Variants in MFSD12 observed in about 807,000 individuals in gnomAD.
MFSD12 encodes the protein major facilitator superfamily domain containing 12, also known as major facilitator superfamily domain-containing protein 12.
A neutral mutation model predicts 51.2 loss-of-function variants in MFSD12; 67 were observed. That is an observed-to-expected ratio of 1.31 (90% CI 1.08 to 1.60). The LOEUF (loss-of-function observed/expected upper bound fraction) is 1.60. Ranked by LOEUF, MFSD12 falls within the 40% of genes most tolerant of loss-of-function variation. The pLI is 0.00. For synonymous variants in MFSD12, 441 were observed against 316.7 expected (o/e 1.39, Z -4.17); for missense variants, 921 against 673.0 (o/e 1.37, Z -4.08).
chr19:3,541,198 T>C (rs1309559819), downstream of MFSD12, among the ~76,000 whole-genome samples: 2 of 143,930 alleles, frequency 1.4e-5, no homozygotes, highest in Non-Finnish European at 3.0e-5. Flanking sequence ...CAACCAGGCA[T>C]GGCGGCACGT....
At chr19:3,556,116 G>A (rs1012732911) in intron 1 of MFSD12, among the ~76,000 whole-genome samples, 2 of 152,174 alleles carry the variant, frequency 1.3e-5, no homozygotes, top group Non-Finnish European at 2.9e-5. Context: ...CCACCCAGGC[G>A]GCTCCCAACT....
At chr19:3,542,740 C>T (rs1308806411), downstream of MFSD12, 5 of 1,333,100 alleles carry the variant, frequency 3.8e-6, no homozygotes, top group African/African-American at 7.5e-5. Flanking sequence ...GCCTCAGCCT[C>T]CCAAAGTGCT....
At position 3,551,139 on chromosome 19, in the gene MFSD12, AC is replaced by A; in HGVS notation, c.353del (p.Cys118LeufsTer19). On this transcript the variant is annotated frameshift_variant, in exon 2 of 10. Transcript: ENST00000355415. LOFTEE classifies it high-confidence loss of function. The surrounding 1 kb of genome is among the most constrained non-coding windows in gnomAD (Gnocchi z 4.6). ...CAGCCCACTCGGGCGTGGCCGCCCCACAGCCCAGGCAGGGGCTGAAGATGAA... is the reference window on the plus strand; with the variant it reads ...CAGCCCACTCGGGCGTGGCCGCCCCAAGCCCAGGCAGGGGCTGAAGATGAA... Reference protein sequence around the residue: ...FPFIFSPCLGCGAATPEWAAL... With the variant: ...FPFIFSPCLGXGAATPEWAAL... 1 of 1,612,844 alleles carries A rather than the reference AC, an allele frequency of 6.2e-7. No homozygotes were observed. Among genetic ancestry groups the A allele is most frequent in the Non-Finnish European group, 8.5e-7 (1 of 1,179,914 alleles).
In MFSD12 at chr19:3,546,101, A is replaced by C; in HGVS notation, c.1262T>G (p.Met421Arg). The change falls in exon 8 of 10, where the codon ATG becomes AGG. Residue 421 changes from methionine to arginine, a missense_variant. Met to Arg is a moderately conservative substitution (Grantham distance 91). Coordinates refer to ENST00000355415, the MANE Select transcript of MFSD12 (RefSeq NM_174983.5). Reference sequence around the variant, plus strand: ...GCAAGGGTGCAGGCTCTGGATGGCCATGACTGCCAGCCCATTGGCCACCTT... The same window carrying C: ...GCAAGGGTGCAGGCTCTGGATGGCCCTGACTGCCAGCCCATTGGCCACCTT... The part of the protein sequence containing the change: ...LDKVANGLAV[M>R]AIQSLHPCPS... The C allele has an allele frequency of 1.2e-6, 2 of 1,613,424 alleles. No homozygotes were observed. Among genetic ancestry groups the C allele is most frequent in the Non-Finnish European group, 1.7e-6 (2 of 1,179,988 alleles).
intron 8 of MFSD12, 137 bp downstream of exon 8, chr19:3,545,937 T>C: frequency 2.4e-6 from 2 of 835,576 alleles, no homozygotes; most frequent in African/African-American, 1.7e-5. Flanking sequence ...AGGTCTCCCC[T>C]GCCTATGACT....
At chr19:3,540,046 G>A (rs1599805232), downstream of MFSD12, 7 of 149,340 alleles carry the variant, frequency 4.7e-5, no homozygotes, top group African/African-American at 1.7e-4. Flanking sequence ...GAGCCCAGGA[G>A]TTCAAGACCA....
At chr19:3,539,610 C>T (rs2030194003), downstream of MFSD12, 1 of 264,138 alleles carries the variant, frequency 3.8e-6, no homozygotes, top group South Asian at 1.2e-4. Context: ...ACACCTCTTG[C>T]AGCCCGTGGT....
rs2031155822 is a variant in MFSD12 at position 3,547,384 on chromosome 19, C to T, written c.931-20G>A. On this transcript the variant is annotated intron_variant, in intron 5 of 9. Coordinates refer to ENST00000355415, the MANE Select transcript of MFSD12 (RefSeq NM_174983.5). Reference sequence around the variant, plus strand: ...GAACTTCTGCGGAGGCAGAGCCAGGCATGCCGTGTCAGTCATGGCTCGCCA... The same window carrying T: ...GAACTTCTGCGGAGGCAGAGCCAGGTATGCCGTGTCAGTCATGGCTCGCCA... 1 of 1,612,694 alleles carries T rather than the reference C, an allele frequency of 6.2e-7. No individual in the cohort carries two copies. The highest frequency in any genetic ancestry group is 1.3e-5 in the African/African-American group (1 of 74,942).
intron 2 of MFSD12, among the ~76,000 whole-genome samples, chr19:3,549,138 G>A (rs1014694906): frequency 1.3e-5 from 2 of 152,178 alleles, no homozygotes; most frequent in Non-Finnish European, 2.9e-5. Flanking sequence ...CCAGGCACAC[G>A]GCAGGTGCTC....
At chr19:3,549,712 GACTCTTGTCTCAAAA>G (rs1323297240) in intron 2 of MFSD12, among the ~76,000 whole-genome samples, 2 of 109,032 alleles carry the variant, frequency 1.8e-5, no homozygotes, top group Non-Finnish European at 3.5e-5. Flanking sequence ...GACAGAGTGA[GACTCTTGTCTCAAAA>G]AAAAAAAAAA....
chr19:3,550,962 G>A, intron 2 of MFSD12, 22 bp downstream of exon 2: 1 of 1,605,076 alleles, frequency 6.2e-7, no homozygotes, highest in East Asian at 2.2e-5. Flanking sequence ...CTGCCCGTGG[G>A]GGAGGGTGCC....
Position 3,546,339 on chromosome 19 carries a change from T to C in MFSD12, c.1110A>G (p.Ala370=), listed in dbSNP as rs1249395457. 1.2e-6 allele frequency: 2 copies of C among 1,608,314 alleles called. No individual in the cohort carries two copies. The highest frequency in any genetic ancestry group is 1.7e-6 in the Non-Finnish European group (2 of 1,178,222). ...LAEGLGVAVY[A]AAVLLGAGCA... is the part of the protein sequence containing the mutation. ...AGCCAGCACCCAGCAGCACAGCCGC[T>C]GCGTACACGGCCACACCCAGTCCCT... is the stretch of plus-strand genomic sequence containing the variant. Residue 370 remains alanine (A), a synonymous_variant, in exon 7 of 10, where the codon GCA becomes GCG. Transcript: ENST00000355415.
downstream of MFSD12, chr19:3,543,483 C>CCA: frequency 7.3e-6 from 11 of 1,500,572 alleles, no homozygotes; most frequent in Non-Finnish European, 9.8e-6. Flanking sequence ...GGTGAGTGCC[C>CCA]CCCCCCCCGC....
downstream of MFSD12, chr19:3,539,416 C>T (rs1018328621): frequency 8.4e-6 from 5 of 593,040 alleles, no homozygotes; most frequent in Admixed American, 2.8e-5. Context: ...CTTCCTGTTC[C>T]CCTCCGGCCA....
downstream of MFSD12, among the ~76,000 whole-genome samples, chr19:3,540,884 A>T (rs2030339833): frequency 7.8e-6 from 1 of 128,254 alleles, no homozygotes; most frequent in African/African-American, 2.9e-5. Flanking sequence ...AAAAAAAAAA[A>T]AAAAATCCAG....
chr19:3,547,334 A>G lies in MFSD12; in HGVS notation c.961T>C (p.Tyr321His), dbSNP rs1357663700. 1.2e-6 allele frequency: 2 copies of G among 1,613,366 alleles called. No homozygotes were observed. The highest frequency in any genetic ancestry group is 1.7e-5 in the Admixed American group (1 of 60,026). ...AAGGAGGACAAGAAGCCGCTGAGGT[A>G]CATCACCAGGGGAATGGTCGCGATG... ...KFIATIPLVM[Y>H]LSGFLSSFLM... Residue 321 changes from tyrosine to histidine, a missense_variant, in exon 6 of 10, where the codon TAC (tyrosine) becomes CAC (histidine). Tyr to His is a moderately conservative substitution (Grantham distance 83, BLOSUM62 2). Transcript: ENST00000355415.
Position 3,548,191 on chromosome 19 carries a change from GCGA to G in MFSD12, c.583_585del (p.Ser195del). 6.3e-7 allele frequency: 1 copy of G among 1,576,996 alleles called. No homozygotes were observed. On this transcript the variant is annotated inframe_deletion, in exon 3 of 10. Coordinates refer to ENST00000355415, the MANE Select transcript of MFSD12 (RefSeq NM_174983.5). Reference sequence around the variant, plus strand: ...CTGATGTCTTGGGTGGGCTCCACCCGCGACGAGCCCTGCAGGTGCAGCAGGAGC... The same window carrying G: ...CTGATGTCTTGGGTGGGCTCCACCCGCGAGCCCTGCAGGTGCAGCAGGAGC...
intron 1 of MFSD12, among the ~76,000 whole-genome samples, chr19:3,553,034 C>CG (rs2031557049): frequency 6.6e-6 from 1 of 152,170 alleles, no homozygotes; most frequent in South Asian, 2.1e-4. Context: ...ACCCTGGGCC[C>CG]GCCCCCAGAG....
chr19:3,544,657 A>G lies in MFSD12; in HGVS notation c.*53T>C, dbSNP rs546272257. The stretch of plus-strand genomic sequence containing the variant: ...GCTTTTCCCCAAGGCCCTGGGGGGC[A>G]TCCTCGTGCGTCCCCACAGTTCCCT... On this transcript the variant is annotated 3_prime_UTR_variant, in exon 10 of 10. Transcript: ENST00000355415. 144 of 1,549,992 alleles carry G rather than the reference A, an allele frequency of 9.3e-5. No individual in the cohort carries two copies. In the African/African-American group the frequency reaches 1.1e-3, roughly 12 times the overall value.
Sources: allele counts gnomAD v4.1 joint callset (sites outside exome capture counted in the v4.1 genomes callset), GRCh38; gene constraint gnomAD v4.1.1; non-coding constraint Gnocchi (gnomAD v3.1); transcripts MANE v1.5; gene names NCBI Gene and HGNC (gene_info 2026-07-23, HGNC 2026-07-21).